The following RUFY3 variants were observed in gnomAD, a reference collection of about 807,000 sequenced individuals.
The protein encoded by RUFY3 is RUN and FYVE domain containing 3, also known as protein RUFY3.
In RUFY3, 34 loss-of-function variants were observed where a neutral mutation model predicts 84.0. That is an observed-to-expected ratio of 0.40 (90% CI 0.31 to 0.54). The LOEUF (loss-of-function observed/expected upper bound fraction) is 0.54. RUFY3 is among the 20% of genes least tolerant of loss of function. RUFY3 has a pLI of 0.39. For synonymous variants in RUFY3, 242 were observed against 252.9 expected (o/e 0.96, Z 0.41); for missense variants, 507 against 736.8 (o/e 0.69, Z 3.61).
At chr4:70,757,910 G>A (rs1188716623) in intron 1 of RUFY3, among the ~76,000 whole-genome samples, 1 of 152,166 alleles carries the variant, frequency 6.6e-6, no homozygotes, top group Non-Finnish European at 1.5e-5. Flanking sequence ...AAATGCCAGT[G>A]TTGTGAACAT....
chr4:70,774,065 CTTAGTAA>C (rs1412603017), intron 6 of RUFY3, among the ~76,000 whole-genome samples: 1 of 152,098 alleles, frequency 6.6e-6, no homozygotes, highest in African/African-American at 2.4e-5. Flanking sequence ...CATTATGGTA[CTTAGTAA>C]TTAGAGATCA....
chr4:70,727,030 AT>A lies in RUFY3; in HGVS notation c.178+4282del, dbSNP rs1246274586. On this transcript the variant is annotated intron_variant, in intron 1 of 17. Transcript: ENST00000381006. ...TTTTACTTTGTGAAAGCGTAGTGGG[AT>A]TTCTTTCCTTTTTTTTTTTTTTTTT... 2.3e-5 allele frequency among the ~76,000 whole-genome samples: 3 copies of A among 130,578 alleles called. No homozygotes were observed. The East Asian group carries it at 6.9e-4, about 30-fold the overall frequency. 85.7% of individuals were successfully genotyped at this position (130,578 alleles called of 152,430 possible). A position where few individuals can be genotyped will look rare whatever the true frequency, so the allele number is the denominator to read the frequency against.
At chr4:70,742,306 T>A (rs1396711468) in intron 1 of RUFY3, among the ~76,000 whole-genome samples, 1 of 152,200 alleles carries the variant, frequency 6.6e-6, no homozygotes, top group African/African-American at 2.4e-5. Flanking sequence ...CAGAGCGATT[T>A]ACACATTTTA....
chr4:70,744,631 A>G (rs552698849), intron 1 of RUFY3, among the ~76,000 whole-genome samples: 31 of 150,340 alleles, frequency 2.1e-4, no homozygotes, highest in African/African-American at 7.6e-4. Flanking sequence ...CAGTTCTGTC[A>G]CAATTGAAGC....
chr4:70,784,916 A>C lies in RUFY3; in HGVS notation c.1071+37A>C, dbSNP rs746310438. ...TTAATTTCTAATAGTTCAGGAATAT[A>C]TTAAAAGGTAACTGCCCACTTAGAG... On this transcript the variant is annotated intron_variant, in intron 10 of 17. Transcript: ENST00000381006. 3.5e-6 allele frequency: 5 copies of C among 1,441,464 alleles called. No homozygotes were observed. In the South Asian group the frequency reaches 6.5e-5, roughly 19 times the overall value. 89.3% of individuals were successfully genotyped at this position (1,441,464 alleles called of 1,614,324 possible). A position where few individuals can be genotyped will look rare whatever the true frequency, so the allele number is the denominator to read the frequency against.
chr4:70,789,361 C>A, intron 11 of RUFY3, 134 bp from the exon 12 acceptor site: 1 of 902,066 alleles, frequency 1.1e-6, no homozygotes, highest in Non-Finnish European at 1.6e-6. Flanking sequence ...CTTTTTTTTC[C>A]ATTTCAGGAT....
exon 1 of RUFY3, chr4:70,705,284 C>T: frequency 2.8e-6 from 4 of 1,416,844 alleles, no homozygotes; most frequent in Non-Finnish European, 3.7e-6. Flanking sequence ...GCAGCGGCAG[C>T]GGCAAGCACC....
chr4:70,733,327 T>C (rs1719768256), intron 1 of RUFY3, among the ~76,000 whole-genome samples: 1 of 152,192 alleles, frequency 6.6e-6, no homozygotes, highest in Non-Finnish European at 1.5e-5. Context: ...ATTTGTTGTT[T>C]AAATATATCT....
At chr4:70,799,724 G>A (rs1417475045) in intron 14 of RUFY3, 1 of 159,786 alleles carries the variant, frequency 6.3e-6, no homozygotes, top group African/African-American at 2.4e-5. Flanking sequence ...GTGGCACTGG[G>A]GCATCAACTT....
At chr4:70,790,097 T>C (rs1308402342) in intron 12 of RUFY3, 2 of 161,578 alleles carry the variant, frequency 1.2e-5, no homozygotes, top group African/African-American at 4.8e-5. Flanking sequence ...GGTAGTTCTG[T>C]AGCTTCCACT....
chr4:70,760,962 A>G (rs1578119668), intron 1 of RUFY3, among the ~76,000 whole-genome samples: 1 of 152,246 alleles, frequency 6.6e-6, no homozygotes, highest in African/African-American at 2.4e-5. Context: ...CTGCTCATTT[A>G]ACTTTGAAAG....
upstream of RUFY3, among the ~76,000 whole-genome samples, chr4:70,717,597 T>G (rs1053855117): frequency 2.7e-5 from 4 of 147,892 alleles, no homozygotes; most frequent in Admixed American, 1.3e-4. Flanking sequence ...GTGTGTGTGT[T>G]TGTGTGTGTG....
At chr4:70,737,273 A>G (rs1720467996) in intron 1 of RUFY3, among the ~76,000 whole-genome samples, 1 of 152,220 alleles carries the variant, frequency 6.6e-6, no homozygotes, top group Non-Finnish European at 1.5e-5. Flanking sequence ...TGTCCTAAGC[A>G]AAAGAGAGTT....
chr4:70,777,077 C>T (rs566992279), intron 7 of RUFY3, among the ~76,000 whole-genome samples: 9 of 152,210 alleles, frequency 5.9e-5, no homozygotes, highest in South Asian at 2.1e-4. Context: ...TAAACAAATA[C>T]GTTTATACAT....
chr4:70,764,013 A>G (rs1020372453), intron 3 of RUFY3, among the ~76,000 whole-genome samples: 3 of 152,196 alleles, frequency 2.0e-5, no homozygotes, highest in Non-Finnish European at 4.4e-5. Flanking sequence ...TCAAGATTAA[A>G]ACAGCTGTCA....
In RUFY3 at chr4:70,808,576, T is replaced by C. The variant is rs942979363; in HGVS notation, c.*1917T>C. ...AGCCTGTTACTTGGTGAAGCTGAAGTTTAAGAGTTCTGGGGAAAAATAAAA... is the reference window on the plus strand; with the variant it reads ...AGCCTGTTACTTGGTGAAGCTGAAGCTTAAGAGTTCTGGGGAAAAATAAAA... On this transcript the variant is annotated 3_prime_UTR_variant, in exon 18 of 18. Transcript: ENST00000381006. 1.8e-4 allele frequency among the ~76,000 whole-genome samples: 28 copies of C among 152,144 alleles called. No individual in the cohort carries two copies. Among genetic ancestry groups the C allele is most frequent in the African/African-American group, 6.8e-4 (28 of 41,428 alleles).
intron 7 of RUFY3, among the ~76,000 whole-genome samples, chr4:70,778,045 A>G (rs1163649268): frequency 1.3e-5 from 2 of 152,146 alleles, no homozygotes; most frequent in Non-Finnish European, 2.9e-5. Flanking sequence ...CTGCCTGGGC[A>G]ACATGGTGCA....
At chr4:70,722,877 C>A in intron 1 of RUFY3, 126 bp downstream of exon 1, 1 of 847,646 alleles carries the variant, frequency 1.2e-6, no homozygotes, top group Non-Finnish European at 1.7e-6. Context: ...GAAAACCTTG[C>A]ATCCTTACTT....
intron 7 of RUFY3, among the ~76,000 whole-genome samples, chr4:70,775,958 C>T (rs185374009): frequency 8.2e-5 from 9 of 109,282 alleles, no homozygotes; most frequent in East Asian, 2.3e-4. Context: ...AAAAAAAAAA[C>T]GAAAAAAAAG....
Sources: gnomAD v4.1 joint callset for allele counts (sites outside exome capture counted in the v4.1 genomes callset) on GRCh38, gnomAD v4.1.1 for gene constraint, MANE v1.5 for transcripts, NCBI Gene and HGNC (gene_info 2026-07-23, HGNC 2026-07-21) for gene names.